The following RGS6 variants were observed in gnomAD, a reference collection of about 807,000 sequenced individuals.
RGS6 encodes the protein regulator of G-protein signaling 6.
Under a neutral mutation model 78.5 loss-of-function variants are expected in RGS6, and 30 were observed. The ratio of observed to expected loss-of-function variants is 0.38; its 90% CI spans 0.29 to 0.52. The LOEUF (loss-of-function observed/expected upper bound fraction) is 0.52. Among genes scored for constraint, RGS6 ranks in the 20% least tolerant of loss-of-function variants. The pLI is 0.85. For missense variants in RGS6, 495 were observed against 609.7 expected (o/e 0.81, Z 1.98); for synonymous variants, 206 against 206.0 (o/e 1.00, Z 0.00).
the RGS6 span, among the ~76,000 whole-genome samples, chr14:72,609,202 G>C: frequency 6.6e-6 from 1 of 152,208 alleles, no homozygotes; most frequent in Non-Finnish European, 1.5e-5. Flanking sequence ...CATTCCATGG[G>C]ATATCGAGGG....
At chr14:72,378,456 T>A (rs974930633) in intron 3 of RGS6, among the ~76,000 whole-genome samples, 2 of 151,890 alleles carry the variant, frequency 1.3e-5, no homozygotes, top group African/African-American at 4.8e-5. Context: ...TAAAAACCTT[T>A]AGCTACACAA....
intron 2 of RGS6, among the ~76,000 whole-genome samples, chr14:72,021,686 G>A (rs1238094506): frequency 6.6e-6 from 1 of 151,682 alleles, no homozygotes; most frequent in Non-Finnish European, 1.5e-5. Context: ...TGGCCAGGCT[G>A]GTCTCGAACT....
At chr14:72,173,346 A>C (rs1047916824) in intron 2 of RGS6, among the ~76,000 whole-genome samples, 1 of 152,184 alleles carries the variant, frequency 6.6e-6, no homozygotes, top group African/African-American at 2.4e-5. Flanking sequence ...CCAGGGGTTC[A>C]GTAGACTTTC....
At chr14:72,067,339 C>T (rs578109228) in intron 2 of RGS6, among the ~76,000 whole-genome samples, 111 of 152,106 alleles carry the variant, frequency 7.3e-4, no homozygotes, top group African/African-American at 2.6e-3. Context: ...GGAGAGAGAG[C>T]ATTAGGAAAT....
intron 2 of RGS6, among the ~76,000 whole-genome samples, chr14:72,065,610 G>T (rs910516536): frequency 6.6e-6 from 1 of 152,010 alleles, no homozygotes; most frequent in Non-Finnish European, 1.5e-5. Flanking sequence ...AACAATAACA[G>T]ATCCTCAAAC....
chr14:72,464,427 A>G (rs191470809), intron 6 of RGS6, among the ~76,000 whole-genome samples: 16 of 152,344 alleles, frequency 1.1e-4, no homozygotes, highest in Admixed American at 9.2e-4. Flanking sequence ...GGGTGGAAGC[A>G]GAAGTGTGGG....
intron 3 of RGS6, among the ~76,000 whole-genome samples, chr14:72,451,917 A>G (rs2095504455): frequency 6.6e-6 from 1 of 151,878 alleles, no homozygotes; most frequent in Non-Finnish European, 1.5e-5. Context: ...ACGCCTGGCT[A>G]ATGTTTTGTA....
chr14:72,503,781 G>C (rs2096761308), intron 13 of RGS6, among the ~76,000 whole-genome samples: 1 of 152,140 alleles, frequency 6.6e-6, no homozygotes, highest in Non-Finnish European at 1.5e-5. Context: ...TGGCTTTCCT[G>C]GGCTGATGCT....
intron 2 of RGS6, among the ~76,000 whole-genome samples, chr14:71,983,590 T>A (rs1352544810): frequency 6.6e-6 from 1 of 152,200 alleles, no homozygotes; most frequent in African/African-American, 2.4e-5. Context: ...CTGCTGGAGA[T>A]CCTTGGTGTT....
intron 3 of RGS6, among the ~76,000 whole-genome samples, chr14:72,389,212 G>T (rs1480036355): frequency 6.6e-6 from 1 of 152,134 alleles, no homozygotes; most frequent in East Asian, 1.9e-4. Context: ...GGTGCTAATT[G>T]TCCCTGTCCC....
chr14:71,930,173 C>T (rs960846854), upstream of RGS6, among the ~76,000 whole-genome samples: 2 of 152,118 alleles, frequency 1.3e-5, no homozygotes, highest in African/African-American at 4.8e-5. Context: ...TTCTGTCTAT[C>T]TATCTATAAT....
At chr14:71,883,891 A>G in the RGS6 span, among the ~76,000 whole-genome samples, 1 of 90,914 alleles carries the variant, frequency 1.1e-5, no homozygotes, top group Non-Finnish European at 3.2e-5. Flanking sequence ...AATTGCCCCC[A>G]TCCTCCTTTC....
chr14:72,356,271 T>A (rs1596203780), intron 3 of RGS6, among the ~76,000 whole-genome samples: 1 of 151,882 alleles, frequency 6.6e-6, no homozygotes, highest in East Asian at 1.9e-4. Flanking sequence ...AGCGAGTGAG[T>A]TCTCACAAGA....
At chr14:71,869,254 T>C in the RGS6 span, among the ~76,000 whole-genome samples, 1 of 152,214 alleles carries the variant, frequency 6.6e-6, no homozygotes, top group Non-Finnish European at 1.5e-5. Context: ...CTTGTGAGTG[T>C]TAGCACTGAA....
chr14:71,908,835 GAAGT>G, the RGS6 span, among the ~76,000 whole-genome samples: 1 of 152,124 alleles, frequency 6.6e-6, no homozygotes, highest in East Asian at 1.9e-4. Flanking sequence ...ATTCCATCTT[GAAGT>G]GAGTAGCGAG....
Position 72,266,515 on chromosome 14 carries a change from G to A in RGS6, c.85-85580G>A, listed in dbSNP as rs76131786. Among the ~76,000 whole-genome samples, 406 of 152,212 alleles carry A rather than the reference G, an allele frequency of 2.7e-3. 2 individuals carry two copies. Among genetic ancestry groups the A allele is most frequent in the African/African-American group, 9.4e-3 (391 of 41,514 alleles). Reference sequence around the variant, plus strand: ...TTCCACACGTGCCTCCTCCATTCTCGAATGTTCTTGAAGATTATATTGCTT... The same window carrying A: ...TTCCACACGTGCCTCCTCCATTCTCAAATGTTCTTGAAGATTATATTGCTT... On this transcript the variant is annotated intron_variant, in intron 2 of 17. Transcript: ENST00000553525.
At chr14:72,375,006 A>G (rs927878657) in intron 3 of RGS6, among the ~76,000 whole-genome samples, 2 of 152,224 alleles carry the variant, frequency 1.3e-5, no homozygotes, top group Non-Finnish European at 2.9e-5. Flanking sequence ...GATTTGACAC[A>G]GCTAAACAAA....
At chr14:72,186,264 C>G (rs1221155134) in intron 2 of RGS6, among the ~76,000 whole-genome samples, 1 of 152,210 alleles carries the variant, frequency 6.6e-6, no homozygotes, top group Non-Finnish European at 1.5e-5. Context: ...GTCTGCTATC[C>G]TGACCTATGT....
chr14:72,543,105 C>G (rs2153515482), intron 17 of RGS6, among the ~76,000 whole-genome samples: 1 of 152,320 alleles, frequency 6.6e-6, no homozygotes, highest in East Asian at 1.9e-4. Flanking sequence ...ACTGAAACCA[C>G]AAACCCTGCT....
Sources: gnomAD v4.1 joint callset for allele counts (sites outside exome capture counted in the v4.1 genomes callset) on GRCh38, gnomAD v4.1.1 for gene constraint, MANE v1.5 for transcripts, NCBI Gene and HGNC (gene_info 2026-07-23, HGNC 2026-07-21) for gene names.